Variants in LIN54 observed in about 807,000 individuals in gnomAD.
LIN54 encodes protein lin-54 homolog.
A neutral mutation model predicts 78.7 loss-of-function variants in LIN54; 9 were observed. That is an observed-to-expected ratio of 0.11 (90% confidence interval 0.07 to 0.20). The LOEUF (loss-of-function observed/expected upper bound fraction) is 0.20. LIN54 is among the 10% of genes least tolerant of loss of function. The pLI, the probability that LIN54 is intolerant of heterozygous loss-of-function variation, is 1.00. For synonymous variants in LIN54, 269 were observed against 318.4 expected, an observed-to-expected ratio of 0.84 and a Z score of 1.65; for missense variants, 573 against 889.9, an observed-to-expected ratio of 0.64 and a Z score of 4.53.
intron 2 of LIN54, among the ~76,000 whole-genome samples, chr4:82,981,956 C>CT (rs1726699404): frequency 6.6e-6 from 1 of 152,064 alleles, no homozygotes; most frequent in Admixed American, 6.6e-5. Context: ...AGCATTTGAG[C>CT]TTGGGGGGTC....
chr4:82,943,861 ATTTTTTTT>A (rs35020887), intron 5 of LIN54, among the ~76,000 whole-genome samples: 4 of 128,390 alleles, frequency 3.1e-5, no homozygotes, highest in African/African-American at 1.1e-4. Flanking sequence ...GTCAATACTG[ATTTTTTTT>A]TTTTTTTTTT....
intron 1 of LIN54, among the ~76,000 whole-genome samples, chr4:82,996,185 G>A (rs1378410751): frequency 1.3e-5 from 2 of 151,942 alleles, no homozygotes; most frequent in African/African-American, 4.8e-5. Context: ...ACAGTTACAT[G>A]ATCCATCATG....
chr4:82,978,990 C>T lies in LIN54; in HGVS notation c.701G>A (p.Arg234Gln), dbSNP rs143306361. The change falls in exon 3 of 13, where the codon CGA becomes CAA. Residue 234 changes from arginine (R) to glutamine (Q), a missense_variant. Coordinates refer to ENST00000340417, the MANE Select transcript of LIN54 (RefSeq NM_194282.4). ...GATTACTGGACCAGAGGTTGGCGTT[C>T]GAGGCTTCTTAGCAATCTGAAACAT... ...LKTVQIAKKP[R>Q]TPTSGPVITK... The T allele has an allele frequency of 2.3e-5, 36 of 1,588,034 alleles. No homozygotes were observed. The highest frequency in any genetic ancestry group is 2.7e-5 in the African/African-American group (2 of 74,614).
intron 3 of LIN54, among the ~76,000 whole-genome samples, chr4:82,976,720 A>G (rs1726194934): frequency 6.6e-6 from 1 of 152,202 alleles, no homozygotes; most frequent in Non-Finnish European, 1.5e-5. Flanking sequence ...AAAAAAGACT[A>G]GCTGCATGGA....
chr4:82,952,771 T>A (rs1406349438), intron 4 of LIN54, among the ~76,000 whole-genome samples: 4 of 152,284 alleles, frequency 2.6e-5, no homozygotes, highest in Admixed American at 1.3e-4. Context: ...CAATGGAATA[T>A]TATTCAGCCC....
intron 1 of LIN54, among the ~76,000 whole-genome samples, chr4:82,996,430 G>C (rs1000735639): frequency 6.6e-6 from 1 of 152,000 alleles, no homozygotes; most frequent in Non-Finnish European, 1.5e-5. Flanking sequence ...TTTTGAGACA[G>C]AGTCTCACTC....
intron 2 of LIN54, among the ~76,000 whole-genome samples, chr4:82,981,090 G>T (rs537578491): frequency 6.6e-6 from 1 of 151,900 alleles, no homozygotes; most frequent in South Asian, 2.1e-4. Context: ...GTAAAACAAA[G>T]CATCAAAGAT....
At chr4:82,970,527 A>G in intron 3 of LIN54, 58 bp from the exon 4 acceptor site, 1 of 1,461,436 alleles carries the variant, frequency 6.8e-7, no homozygotes, top group Non-Finnish European at 9.4e-7. Flanking sequence ...ATAAAAATTT[A>G]TGTGATGATG....
chr4:82,934,472 A>G (rs1208613677), intron 11 of LIN54, among the ~76,000 whole-genome samples: 2 of 152,220 alleles, frequency 1.3e-5, no homozygotes, highest in Non-Finnish European at 2.9e-5. Flanking sequence ...CATTCATATC[A>G]TCTGCAGAAC....
chr4:82,980,208 A>G (rs1639385547), intron 2 of LIN54, among the ~76,000 whole-genome samples: 1 of 152,120 alleles, frequency 6.6e-6, no homozygotes. Context: ...TTATCACCAT[A>G]TACAAAGACA....
chr4:82,931,216 C>A, intron 11 of LIN54, 71 bp from the exon 12 acceptor site: 1 of 1,083,052 alleles, frequency 9.2e-7, no homozygotes, highest in South Asian at 1.3e-5. Context: ...ATGCCACAAT[C>A]AAATCAACAG....
intron 1 of LIN54, among the ~76,000 whole-genome samples, chr4:82,998,853 C>T (rs1728487777): frequency 1.3e-5 from 2 of 151,510 alleles, no homozygotes; most frequent in Non-Finnish European, 2.9e-5. Context: ...CATATGTAAA[C>T]ATTGTGTTTT....
At chr4:82,947,740 C>CA (rs1172160986) in intron 4 of LIN54, among the ~76,000 whole-genome samples, 4 of 152,034 alleles carry the variant, frequency 2.6e-5, no homozygotes, top group African/African-American at 9.7e-5. Flanking sequence ...CACTGTCATA[C>CA]AATGCAAAGG....
chr4:82,979,106 C>A, intron 2 of LIN54, 100 bp from the exon 3 acceptor site: 2 of 851,582 alleles, frequency 2.3e-6, no homozygotes, highest in South Asian at 2.3e-5. Context: ...CATGTAAAAC[C>A]AGCTCACTTA....
chr4:82,953,294 C>T (rs1016362800), intron 4 of LIN54, among the ~76,000 whole-genome samples: 10 of 152,194 alleles, frequency 6.6e-5, no homozygotes, highest in Middle Eastern at 3.4e-3. Flanking sequence ...AAGACTGGAA[C>T]GGGGAGTGAC....
At chr4:83,001,857 A>AGG (rs1346848955) in intron 1 of LIN54, among the ~76,000 whole-genome samples, 1 of 5,152 alleles carries the variant, frequency 1.9e-4, no homozygotes, top group Non-Finnish European at 1.3e-3. Flanking sequence ...CAAAAAAAAA[A>AGG]AAAGGATAGG....
intron 1 of LIN54, among the ~76,000 whole-genome samples, chr4:83,001,861 G>GAAAGAAA (rs1560795479): frequency 3.7e-3 from 4 of 1,080 alleles, no homozygotes; most frequent in Admixed American, 0.032. Context: ...AAAAAAAAAA[G>GAAAGAAA]GATAGGAAGG....
At position 82,942,914 on chromosome 4, in the gene LIN54, G is replaced by A. The variant is rs558460961; in HGVS notation, c.1169-2952C>T. ...CACACCCTCCCTCCCTCCCTGGCCC[G>A]GTAAAGAAAACTTAGAAACTCAAAT... On this transcript the variant is annotated intron_variant, in intron 5 of 12. Coordinates refer to ENST00000340417, the MANE Select transcript of LIN54 (RefSeq NM_194282.4). 1.3e-4 allele frequency among the ~76,000 whole-genome samples: 19 copies of A among 143,866 alleles called. 1 individual carries two copies. The highest frequency in any genetic ancestry group is 7.2e-4 in the South Asian group (3 of 4,160). The allele number at this position is 143,866 out of a possible 152,430, so 94.4% of individuals were successfully genotyped here. A position where few individuals can be genotyped will look rare whatever the true frequency, so the allele number is the denominator to read the frequency against.
At chr4:82,959,845 A>G (rs1453714958) in intron 4 of LIN54, among the ~76,000 whole-genome samples, 2 of 152,152 alleles carry the variant, frequency 1.3e-5, no homozygotes, top group Non-Finnish European at 2.9e-5. Context: ...GTAATAATAT[A>G]TTAATATTTT....
Sources: allele counts gnomAD v4.1 joint callset (sites outside exome capture counted in the v4.1 genomes callset), GRCh38; gene constraint gnomAD v4.1.1; transcripts MANE v1.5; gene names NCBI Gene and HGNC (gene_info 2026-07-23, HGNC 2026-07-21).